The following PLCB1 variants were observed in gnomAD, a reference collection of about 807,000 sequenced individuals.
PLCB1 encodes the protein phospholipase C beta 1.
PLCB1 carries 46 observed loss-of-function variants against 161.8 expected under a neutral mutation model. The ratio of observed to expected loss-of-function variants is 0.28; its 90% CI spans 0.22 to 0.36. The LOEUF (loss-of-function observed/expected upper bound fraction) is 0.36. PLCB1 is among the 10% of genes least tolerant of loss of function. The probability of loss-of-function intolerance (pLI) is 1.00; values close to 1 mark genes in which losing one functional copy is unlikely to be tolerated. For missense variants in PLCB1, 1,016 were observed against 1,472.5 expected (o/e 0.69, Z 5.07); for synonymous variants, 517 against 503.7 (o/e 1.03, Z -0.35).
chr20:8,842,892 G>A (rs6140754), intron 31 of PLCB1, among the ~76,000 whole-genome samples: 48,717 of 152,012 alleles, frequency 0.32, 8,796 homozygotes, highest in East Asian at 0.64. Context: ...TGTGGATTCC[G>A]TTTCTGCCTT....
intron 5 of PLCB1, among the ~76,000 whole-genome samples, 168 bp from the exon 6 acceptor site, chr20:8,647,732 G>A (rs1477187914): frequency 6.6e-6 from 1 of 152,140 alleles, no homozygotes; most frequent in Non-Finnish European, 1.5e-5. Flanking sequence ...CTGCTAAAGT[G>A]ACAATGTTCT....
At chr20:8,799,831 C>T (rs892134243) in intron 31 of PLCB1, among the ~76,000 whole-genome samples, 4 of 152,112 alleles carry the variant, frequency 2.6e-5, no homozygotes, top group African/African-American at 7.2e-5. Flanking sequence ...CTCCCATGTA[C>T]TTTGTCATTT....
At chr20:8,764,223 G>A (rs1814764320) in intron 25 of PLCB1, among the ~76,000 whole-genome samples, 1 of 152,120 alleles carries the variant, frequency 6.6e-6, no homozygotes. Flanking sequence ...CTGCTAGTAA[G>A]CCTCTGGTGA....
intron 3 of PLCB1, among the ~76,000 whole-genome samples, chr20:8,420,126 C>T (rs1485045745): frequency 6.6e-6 from 1 of 152,070 alleles, no homozygotes; most frequent in Admixed American, 6.6e-5. Context: ...CCTTAATTTC[C>T]TTACCTGTAA....
intron 31 of PLCB1, among the ~76,000 whole-genome samples, chr20:8,823,183 C>T (rs752367001): frequency 7.2e-5 from 11 of 152,190 alleles, no homozygotes; most frequent in Admixed American, 2.0e-4. Flanking sequence ...AGTACAGTGA[C>T]GCAATCTAGG....
intron 4 of PLCB1, among the ~76,000 whole-genome samples, chr20:8,631,539 A>G (rs909512695): frequency 6.6e-6 from 1 of 152,234 alleles, no homozygotes; most frequent in Non-Finnish European, 1.5e-5. Context: ...GGAAGCACGT[A>G]ACATTATCTT....
At chr20:8,606,019 G>A (rs189784815) in intron 3 of PLCB1, among the ~76,000 whole-genome samples, 66 of 152,200 alleles carry the variant, frequency 4.3e-4, no homozygotes, top group Admixed American at 1.1e-3. Flanking sequence ...ATTCCACAGT[G>A]CACATATAGT....
intron 4 of PLCB1, among the ~76,000 whole-genome samples, chr20:8,642,141 T>C (rs1047825749): frequency 1.3e-5 from 2 of 152,188 alleles, no homozygotes; most frequent in African/African-American, 4.8e-5. Context: ...TTTTTGTTAG[T>C]TGGGTTTTTT....
intron 3 of PLCB1, among the ~76,000 whole-genome samples, chr20:8,494,353 A>G (rs894335722): frequency 2.0e-5 from 3 of 152,214 alleles, no homozygotes; most frequent in African/African-American, 7.2e-5. Flanking sequence ...ATTCTAAGAT[A>G]ATAATTACCA....
intron 3 of PLCB1, among the ~76,000 whole-genome samples, chr20:8,584,483 G>GACACACACACACACACACAC (rs61008784): frequency 6.8e-6 from 1 of 147,664 alleles, no homozygotes; most frequent in African/African-American, 2.5e-5. Context: ...CACACACACA[G>GACACACACACACACACACAC]ACACACACAC....
intron 3 of PLCB1, among the ~76,000 whole-genome samples, chr20:8,413,402 C>T (rs78516552): frequency 0.017 from 2,583 of 152,250 alleles, 58 homozygotes; most frequent in African/African-American, 0.054. Flanking sequence ...CTTAATAACA[C>T]GAACAATGAG....
At chr20:8,397,909 C>T (rs966956745) in intron 3 of PLCB1, among the ~76,000 whole-genome samples, 17 of 151,564 alleles carry the variant, frequency 1.1e-4, no homozygotes, top group Admixed American at 2.0e-4. Context: ...ATGCATAAGG[C>T]TACAATTTTT....
chr20:8,831,543 T>C (rs1342006592), intron 31 of PLCB1: 2 of 152,226 alleles, frequency 1.3e-5, no homozygotes, highest in East Asian at 3.8e-4. Flanking sequence ...TATTGAGATG[T>C]TGAATAAATC....
intron 3 of PLCB1, among the ~76,000 whole-genome samples, chr20:8,427,119 C>CGGGCT: frequency 6.6e-6 from 1 of 152,190 alleles, no homozygotes; most frequent in South Asian, 2.1e-4. Context: ...CCATGTTGGA[C>CGGGCT]GGGCTGGTCT....
intron 3 of PLCB1, among the ~76,000 whole-genome samples, chr20:8,471,991 C>CA (rs754035251): frequency 6.0e-4 from 91 of 151,528 alleles, no homozygotes; most frequent in Non-Finnish European, 8.4e-4. Context: ...TCCAGAATTA[C>CA]AAAAAAAATA....
At chr20:8,495,414 T>TG in intron 3 of PLCB1, among the ~76,000 whole-genome samples, 1 of 98,130 alleles carries the variant, frequency 1.0e-5, no homozygotes, top group Non-Finnish European at 2.2e-5. Flanking sequence ...TTTTTTTTTT[T>TG]TGAGACGGAG....
intron 24 of PLCB1, among the ~76,000 whole-genome samples, chr20:8,759,896 A>ATTTTTTTTTTTTTTTTTTTT (rs3033840): frequency 1.3e-5 from 1 of 78,260 alleles, no homozygotes; most frequent in African/African-American, 5.1e-5. Flanking sequence ...ATAATATCAC[A>ATTTTTTTTTTTTTTTTTTTT]TTTTTTTTTT....
intron 3 of PLCB1, among the ~76,000 whole-genome samples, chr20:8,536,731 TA>T (rs1313296426): frequency 2.6e-5 from 4 of 152,232 alleles, no homozygotes; most frequent in African/African-American, 9.6e-5. Context: ...TCTTAACAAC[TA>T]GATCGAGAAC....
intron 2 of PLCB1, among the ~76,000 whole-genome samples, chr20:8,182,649 C>T (rs572050689): frequency 8.0e-5 from 12 of 149,922 alleles, no homozygotes; most frequent in African/African-American, 2.0e-4. Context: ...GGCACGATCT[C>T]GGCTCACTGC....
Sources: allele counts gnomAD v4.1 joint callset (sites outside exome capture counted in the v4.1 genomes callset), GRCh38; gene constraint gnomAD v4.1.1; transcripts MANE v1.5; gene names NCBI Gene and HGNC (gene_info 2026-07-23, HGNC 2026-07-21).